The following LONRF1 variants were observed in gnomAD, a reference collection of about 807,000 sequenced individuals.
LONRF1 encodes the protein LON peptidase N-terminal domain and RING finger protein 1.
In LONRF1, 37 loss-of-function variants were observed where a neutral mutation model predicts 85.8. The observed-to-expected ratio is 0.43, with a 90% CI of 0.33 to 0.57. The LOEUF (loss-of-function observed/expected upper bound fraction) is 0.57, where lower values mean the gene tolerates loss of function less well. Ranked by LOEUF, LONRF1 falls within the 20% of genes least tolerant of loss-of-function variation. The pLI is 0.04. For missense variants in LONRF1, 1,036 were observed against 978.0 expected, an observed-to-expected ratio of 1.06 and a Z score of -0.79; for synonymous variants, 517 against 390.1, an observed-to-expected ratio of 1.33 and a Z score of -3.83.
At chr8:12,724,207 G>T (rs1201307035) in intron 11 of LONRF1, among the ~76,000 whole-genome samples, 1 of 152,168 alleles carries the variant, frequency 6.6e-6, no homozygotes, top group African/African-American at 2.4e-5. Flanking sequence ...CCAGGTTAGA[G>T]TTGGCCGATG....
intron 1 of LONRF1, among the ~76,000 whole-genome samples, chr8:12,750,016 C>T (rs552117824): frequency 1.8e-4 from 28 of 152,286 alleles, no homozygotes; most frequent in African/African-American, 3.6e-4. Flanking sequence ...TTATGTTTTG[C>T]GTGCTAATTT....
In LONRF1 at chr8:12,722,784, G is replaced by GGA. The variant is rs149483963; in HGVS notation, c.*311_*312insTC. ...CCAACCCCCACAAGCACACACGCAC[G>GGA]CACACACACACACACACTCTCTCAC... On this transcript the variant is annotated 3_prime_UTR_variant, in exon 12 of 12. Coordinates refer to ENST00000398246, the MANE Select transcript of LONRF1 (RefSeq NM_152271.5). 1 of 172,830 alleles carries GGA rather than the reference G, an allele frequency of 5.8e-6. No homozygotes were observed. The highest frequency in any genetic ancestry group is 1.2e-5 in the Non-Finnish European group (1 of 81,652). 10.7% of individuals were successfully genotyped at this position (172,830 alleles called of 1,614,324 possible). A position where few individuals can be genotyped will look rare whatever the true frequency, so the allele number is the denominator to read the frequency against.
chr8:12,737,144 C>A lies in LONRF1; in HGVS notation c.1114-4G>T. The A allele has an allele frequency of 6.2e-7, 1 of 1,608,574 alleles. No individual in the cohort carries two copies. Among genetic ancestry groups the A allele is most frequent in the Non-Finnish European group, 8.5e-7 (1 of 1,177,620 alleles). The stretch of plus-strand genomic sequence containing the variant: ...TGACCTCTGGTATTTCTTCACTCTA[C>A]AAAAATACAATAAACAAAGGTAACT... On this transcript the variant is annotated splice_region_variant and splice_polypyrimidine_tract_variant and intron_variant, in intron 4 of 11. Coordinates refer to ENST00000398246, the MANE Select transcript of LONRF1 (RefSeq NM_152271.5).
Position 12,755,261 on chromosome 8 carries a change from G to C in LONRF1, c.160C>G (p.Arg54Gly), listed in dbSNP as rs997417702. The C allele has an allele frequency of 9.7e-6, 12 of 1,234,756 alleles. No individual in the cohort carries two copies. Among genetic ancestry groups the C allele is most frequent in the Non-Finnish European group, 1.2e-5 (12 of 991,372 alleles). The allele number at this position is 1,234,756 out of a possible 1,614,324, so 76.5% of individuals were successfully genotyped here. Residue 54 changes from arginine to glycine, a missense_variant, in exon 1 of 12, where the codon CGC becomes GGC. Transcript: ENST00000398246. ...CCGCCCAGCGCCAGCAGCTCCCCGC[G>C]GCGGAGCAGCAGCTCCCAGCGCTCC... ...ESERWELLLR[R>G]GELLALGGHL...
intron 1 of LONRF1, among the ~76,000 whole-genome samples, chr8:12,744,630 T>A (rs889111216): frequency 1.3e-5 from 2 of 152,176 alleles, no homozygotes; most frequent in African/African-American, 4.8e-5. Flanking sequence ...AACAGCATCA[T>A]GCAATACTGA....
At position 12,744,546 on chromosome 8, in the gene LONRF1, T is replaced by C. The variant is rs184509172; in HGVS notation, c.722-1264A>G. ...GTTCCTAGCACAAACCTAGACCCTG[T>C]AGGTATTCAAAAATGTTTTACATTA... On this transcript the variant is annotated intron_variant, in intron 1 of 11. Coordinates refer to ENST00000398246, the MANE Select transcript of LONRF1 (RefSeq NM_152271.5). 2.9e-3 allele frequency among the ~76,000 whole-genome samples: 436 copies of C among 152,304 alleles called. 3 individuals are homozygous for C. Among genetic ancestry groups the C allele is most frequent in the African/African-American group, 0.01 (422 of 41,586 alleles).
At chr8:12,736,839 C>T (rs1161060928) in intron 5 of LONRF1, 42 bp from the exon 6 acceptor site, 1 of 1,583,040 alleles carries the variant, frequency 6.3e-7, no homozygotes, top group African/African-American at 1.4e-5. Context: ...TTAGGAAAAA[C>T]TTTAAAGACT....
chr8:12,738,177 A>G (rs756021288), intron 3 of LONRF1, 33 bp from the exon 4 acceptor site: 1 of 1,347,558 alleles, frequency 7.4e-7, no homozygotes, highest in South Asian at 1.5e-5. Flanking sequence ...AGTAGAAAAT[A>G]TAAAATATTT....
At chr8:12,751,296 G>GTTTTTTTTTTTTTTTT (rs869038024) in intron 1 of LONRF1, among the ~76,000 whole-genome samples, 28 of 69,556 alleles carry the variant, frequency 4.0e-4, no homozygotes, top group African/African-American at 4.6e-4. Context: ...TTATTTTTAT[G>GTTTTTTTTTTTTTTTT]TTTTTTTTTT....
intron 11 of LONRF1, among the ~76,000 whole-genome samples, chr8:12,723,542 G>T (rs1364164367): frequency 6.6e-6 from 1 of 152,206 alleles, no homozygotes; most frequent in East Asian, 1.9e-4. Flanking sequence ...CACTAGCAAG[G>T]CTTCTCGACC....
intron 1 of LONRF1, chr8:12,753,760 G>A (rs1267635379): frequency 6.6e-6 from 1 of 152,242 alleles, no homozygotes; most frequent in African/African-American, 2.4e-5. Context: ...AGAAGAAAGT[G>A]CTAACCTAGG....
At chr8:12,749,322 A>T (rs1277899917) in intron 1 of LONRF1, among the ~76,000 whole-genome samples, 1 of 152,190 alleles carries the variant, frequency 6.6e-6, no homozygotes, top group Non-Finnish European at 1.5e-5. Context: ...AGGTGGGTCA[A>T]GGGGATGGGA....
chr8:12,723,280 A>G (rs770725852), intron 11 of LONRF1, 26 bp from the exon 12 acceptor site: 2 of 1,572,272 alleles, frequency 1.3e-6, no homozygotes, highest in Admixed American at 2.0e-5. Context: ...AGTTTATAGC[A>G]TTAATAAAAC....
intron 6 of LONRF1, among the ~76,000 whole-genome samples, chr8:12,735,993 C>T (rs1010895765): frequency 6.6e-6 from 1 of 152,094 alleles, no homozygotes; most frequent in Non-Finnish European, 1.5e-5. Context: ...TTTTCTGAAA[C>T]ATGATAGTTT....
At chr8:12,740,442 A>C (rs958106662) in intron 3 of LONRF1, among the ~76,000 whole-genome samples, 27 of 152,184 alleles carry the variant, frequency 1.8e-4, no homozygotes, top group African/African-American at 5.1e-4. Context: ...AAAGTATGGA[A>C]AGTGACATAT....
chr8:12,740,447 A>G (rs1798886972), intron 3 of LONRF1, among the ~76,000 whole-genome samples: 1 of 152,182 alleles, frequency 6.6e-6, no homozygotes, highest in African/African-American at 2.4e-5. Flanking sequence ...ATGGAAAGTG[A>G]CATATGGAGT....
At chr8:12,737,962 C>T (rs373051747) in intron 4 of LONRF1, 33 bp downstream of exon 4, 6 of 1,579,752 alleles carry the variant, frequency 3.8e-6, no homozygotes, top group Non-Finnish European at 5.1e-6. Flanking sequence ...AATGGATACG[C>T]TAAACTCATG....
intron 7 of LONRF1, among the ~76,000 whole-genome samples, chr8:12,732,795 AG>A (rs1205636486): frequency 2.0e-5 from 3 of 152,216 alleles, no homozygotes; most frequent in African/African-American, 7.2e-5. Flanking sequence ...GGGTAGGGCC[AG>A]GGACATGGTC....
chr8:12,737,424 TC>T (rs1798763102), intron 4 of LONRF1: 1 of 578,808 alleles, frequency 1.7e-6, no homozygotes, highest in East Asian at 3.8e-5. Context: ...TTGTCATTAT[TC>T]CCTAGACAAT....
Sources: allele counts gnomAD v4.1 joint callset (sites outside exome capture counted in the v4.1 genomes callset), GRCh38; gene constraint gnomAD v4.1.1; transcripts MANE v1.5; gene names NCBI Gene and HGNC (gene_info 2026-07-23, HGNC 2026-07-21).